The following LRP1B variants were observed in gnomAD, a reference collection of about 807,000 sequenced individuals.
The protein encoded by LRP1B is low-density lipoprotein receptor-related protein 1B.
LRP1B carries 217 observed loss-of-function variants against 556.6 expected under a neutral mutation model. The observed-to-expected ratio is 0.39, with a 90% CI of 0.35 to 0.44. The LOEUF (loss-of-function observed/expected upper bound fraction) is 0.44. LRP1B is among the 20% of genes least tolerant of loss of function. The probability of loss-of-function intolerance (pLI) is 1.00; values close to 1 mark genes in which losing one functional copy is unlikely to be tolerated. For missense variants in LRP1B, 5,053 were observed against 5,620.8 expected (o/e 0.90, Z 3.23); for synonymous variants, 2,047 against 1,865.8 (o/e 1.10, Z -2.50).
intron 7 of LRP1B, among the ~76,000 whole-genome samples, chr2:141,106,939 G>A (rs1229168358): frequency 1.3e-5 from 2 of 152,046 alleles, no homozygotes; most frequent in African/African-American, 2.4e-5. Flanking sequence ...TTTCAAGAAT[G>A]AGAGTTGTTT....
chr2:141,758,738 T>G (rs1366170606), intron 2 of LRP1B, among the ~76,000 whole-genome samples: 3 of 152,134 alleles, frequency 2.0e-5, no homozygotes, highest in Admixed American at 6.5e-5. Flanking sequence ...AATTTTTGTT[T>G]TATTTGATGT....
At chr2:140,764,838 A>G (rs923421004) in intron 35 of LRP1B, among the ~76,000 whole-genome samples, 9 of 152,134 alleles carry the variant, frequency 5.9e-5, no homozygotes, top group African/African-American at 2.2e-4. Flanking sequence ...TTGGTGTTAT[A>G]CATTCTGTGG....
chr2:141,507,041 T>C (rs1167204000), intron 2 of LRP1B, among the ~76,000 whole-genome samples: 2 of 152,152 alleles, frequency 1.3e-5, no homozygotes, highest in Admixed American at 1.3e-4. Flanking sequence ...AGGTGTTTGA[T>C]TCATCTCAAA....
At chr2:140,653,541 T>C (rs1464286359) in intron 41 of LRP1B, among the ~76,000 whole-genome samples, 1 of 151,992 alleles carries the variant, frequency 6.6e-6, no homozygotes, top group East Asian at 1.9e-4. Flanking sequence ...TGGAATTAAA[T>C]ATGGTGATAT....
chr2:141,230,791 A>G (rs966779277), intron 5 of LRP1B, among the ~76,000 whole-genome samples: 37 of 152,164 alleles, frequency 2.4e-4, no homozygotes, highest in African/African-American at 8.7e-4. Context: ...TCATTATGCA[A>G]ATGTCATTTT....
chr2:140,855,362 G>T (rs1393474362), intron 27 of LRP1B, among the ~76,000 whole-genome samples: 1 of 150,848 alleles, frequency 6.6e-6, no homozygotes, highest in African/African-American at 2.4e-5. Flanking sequence ...GATTATATCT[G>T]GTTTCTTTAA....
At chr2:141,731,371 G>A (rs1263445199) in intron 2 of LRP1B, among the ~76,000 whole-genome samples, 1 of 152,118 alleles carries the variant, frequency 6.6e-6, no homozygotes, top group African/African-American at 2.4e-5. Flanking sequence ...CTTAGGCCCT[G>A]TCTGAGAATC....
intron 2 of LRP1B, among the ~76,000 whole-genome samples, chr2:141,771,138 A>T (rs780771267): frequency 3.3e-5 from 5 of 152,202 alleles, no homozygotes; most frequent in Non-Finnish European, 7.3e-5. Flanking sequence ...AATTATAACT[A>T]GATGTTCTAA....
intron 21 of LRP1B, among the ~76,000 whole-genome samples, chr2:140,917,395 G>A (rs942789519): frequency 3.3e-5 from 5 of 152,138 alleles, no homozygotes; most frequent in African/African-American, 1.2e-4. Context: ...AAGCCTGCAT[G>A]TAGATATTTA....
chr2:140,812,618 A>T (rs920815740), intron 32 of LRP1B, among the ~76,000 whole-genome samples: 1 of 151,954 alleles, frequency 6.6e-6, no homozygotes, highest in African/African-American at 2.4e-5. Flanking sequence ...TCAAAAAAAA[A>T]CCTCACAAAC....
chr2:141,258,281 G>A (rs1684555934), intron 3 of LRP1B, among the ~76,000 whole-genome samples: 2 of 152,002 alleles, frequency 1.3e-5, no homozygotes, highest in South Asian at 2.1e-4. Flanking sequence ...GTCAAGAGAT[G>A]GAGACCATTC....
chr2:140,849,396 C>A (rs200515567), intron 29 of LRP1B, among the ~76,000 whole-genome samples: 181 of 70,354 alleles, frequency 2.6e-3, no homozygotes, highest in African/African-American at 7.6e-3. Context: ...AAACAAAAAA[C>A]AAAAAACAAA....
chr2:140,932,418 G>T lies in LRP1B; in HGVS notation c.3137-9271C>A, dbSNP rs916556704. Reference sequence around the variant, plus strand: ...CTCATTTGTTGACATATTGTCTAGGGTTGCTTCCATGCTACAACAGCAGCT... The same window carrying T: ...CTCATTTGTTGACATATTGTCTAGGTTTGCTTCCATGCTACAACAGCAGCT... On this transcript the variant is annotated intron_variant, in intron 20 of 90. Transcript: ENST00000389484. Among the ~76,000 whole-genome samples, 66 of 152,180 alleles carry T rather than the reference G, an allele frequency of 4.3e-4. 1 individual carries two copies. Among genetic ancestry groups the T allele is most frequent in the African/African-American group, 1.6e-3 (66 of 41,528 alleles).
At chr2:141,270,551 A>T (rs919284645) in intron 3 of LRP1B, among the ~76,000 whole-genome samples, 2 of 152,112 alleles carry the variant, frequency 1.3e-5, no homozygotes, top group Non-Finnish European at 2.9e-5. Context: ...CTACTGACAG[A>T]TGAATGAATT....
chr2:141,037,019 AAG>A, intron 11 of LRP1B, among the ~76,000 whole-genome samples: 1 of 152,048 alleles, frequency 6.6e-6, no homozygotes, highest in East Asian at 1.9e-4. Flanking sequence ...CACAAGAGAA[AAG>A]AGAACCTTTT....
At chr2:140,996,791 G>A (rs72991765) in intron 15 of LRP1B, among the ~76,000 whole-genome samples, 5,981 of 151,950 alleles carry the variant, frequency 0.039, 148 homozygotes, top group Middle Eastern at 0.066. Flanking sequence ...AAGACAAAAA[G>A]ATAAAAGATA....
chr2:140,458,488 T>A (rs1276883124), intron 60 of LRP1B, among the ~76,000 whole-genome samples: 1 of 152,098 alleles, frequency 6.6e-6, no homozygotes, highest in African/African-American at 2.4e-5. Context: ...TCTTTGTGCT[T>A]CTATTTTCTC....
At chr2:141,992,135 GT>G (rs764792534) in intron 1 of LRP1B, among the ~76,000 whole-genome samples, 36 of 151,966 alleles carry the variant, frequency 2.4e-4, no homozygotes, top group Non-Finnish European at 4.7e-4. Flanking sequence ...ATACTGTATT[GT>G]TTTCATTTGT....
intron 2 of LRP1B, among the ~76,000 whole-genome samples, chr2:141,690,400 T>TAAATAA (rs367731341): frequency 0.011 from 125 of 11,116 alleles, 3 homozygotes; most frequent in Middle Eastern, 0.062. Flanking sequence ...TCTATAAATA[T>TAAATAA]ATATATATAT....
Sources: allele counts gnomAD v4.1 joint callset (sites outside exome capture counted in the v4.1 genomes callset), GRCh38; gene constraint gnomAD v4.1.1; transcripts MANE v1.5; gene names NCBI Gene and HGNC (gene_info 2026-07-23, HGNC 2026-07-21).